GRIK4: variants seen among roughly 807,000 people sequenced by gnomAD.
GRIK4 encodes glutamate ionotropic receptor kainate type subunit 4, also known as glutamate receptor ionotropic, kainate 4.
In GRIK4, 40 loss-of-function variants were observed where a neutral mutation model predicts 104.9. The ratio of observed to expected loss-of-function variants is 0.38; its 90% CI spans 0.30 to 0.50. GRIK4 has a LOEUF of 0.50. Ranked by LOEUF, GRIK4 falls within the 20% of genes least tolerant of loss-of-function variation. The pLI is 0.93. For synonymous variants in GRIK4, 485 were observed against 524.9 expected, an observed-to-expected ratio of 0.92 and a Z score of 1.04; for missense variants, 1,047 against 1,308.1, an observed-to-expected ratio of 0.80 and a Z score of 3.08.
chr11:120,761,965 A>AT (rs1295629015), intron 3 of GRIK4, among the ~76,000 whole-genome samples: 1 of 151,900 alleles, frequency 6.6e-6, no homozygotes, highest in African/African-American at 2.4e-5. Flanking sequence ...ATTTAAAGTA[A>AT]TTTTTTCTAA....
intron 13 of GRIK4, among the ~76,000 whole-genome samples, chr11:120,928,988 T>TGTGTGTGTGTGC (rs1205285819): frequency 2.5e-5 from 3 of 118,470 alleles, no homozygotes; most frequent in African/African-American, 8.1e-5. Flanking sequence ...TGTGTGTGTG[T>TGTGTGTGTGTGC]GCGCGCGTGC....
At chr11:120,534,738 T>A (rs1591679717) in intron 1 of GRIK4, among the ~76,000 whole-genome samples, 1 of 152,086 alleles carries the variant, frequency 6.6e-6, no homozygotes, top group Non-Finnish European at 1.5e-5. Flanking sequence ...CAGAAGAGCA[T>A]TGGACAGGTC....
chr11:120,963,979 AT>A (rs1214063454), intron 18 of GRIK4, among the ~76,000 whole-genome samples: 23 of 9,396 alleles, frequency 2.4e-3, no homozygotes, highest in African/African-American at 0.012. Context: ...TTATTTATTT[AT>A]TTATTTATTT....
At chr11:120,788,380 A>G (rs1168891072) in intron 3 of GRIK4, among the ~76,000 whole-genome samples, 2 of 152,166 alleles carry the variant, frequency 1.3e-5, no homozygotes, top group Admixed American at 6.5e-5. Context: ...TGTATGTGTC[A>G]TTACCACCAG....
intron 3 of GRIK4, among the ~76,000 whole-genome samples, chr11:120,733,253 C>T (rs1951169405): frequency 6.6e-6 from 1 of 151,984 alleles, no homozygotes. Flanking sequence ...ATTATGTGGT[C>T]TTGTTATTTT....
At chr11:120,729,233 A>C (rs1197021998) in intron 3 of GRIK4, among the ~76,000 whole-genome samples, 1 of 152,212 alleles carries the variant, frequency 6.6e-6, no homozygotes, top group East Asian at 1.9e-4. Context: ...GGGAGTGCAG[A>C]TATCTCTTTG....
intron 9 of GRIK4, among the ~76,000 whole-genome samples, chr11:120,864,368 G>T (rs1354490008): frequency 1.3e-5 from 2 of 152,116 alleles, no homozygotes; most frequent in Non-Finnish European, 2.9e-5. Flanking sequence ...AGCCTCCGGA[G>T]TAGCTGGGAC....
chr11:120,526,899 T>TTATA (rs1419680372), intron 1 of GRIK4, among the ~76,000 whole-genome samples: 5 of 152,070 alleles, frequency 3.3e-5, no homozygotes, highest in Admixed American at 3.3e-4. Context: ...CACAGTCAGG[T>TTATA]TATAAATGGC....
At chr11:120,957,360 A>C (rs891921869) in intron 16 of GRIK4, among the ~76,000 whole-genome samples, 1 of 152,242 alleles carries the variant, frequency 6.6e-6, no homozygotes, top group East Asian at 1.9e-4. Flanking sequence ...TGGCTGCTAC[A>C]TCACATCCCC....
intron 11 of GRIK4, among the ~76,000 whole-genome samples, chr11:120,892,407 G>A (rs1299108387): frequency 1.3e-5 from 2 of 152,214 alleles, no homozygotes; most frequent in East Asian, 3.8e-4. Context: ...GCTGCTGTGT[G>A]AAGAACAGAA....
At chr11:120,665,435 A>G (rs970263554) in intron 3 of GRIK4, among the ~76,000 whole-genome samples, 1 of 152,086 alleles carries the variant, frequency 6.6e-6, no homozygotes, top group Non-Finnish European at 1.5e-5. Flanking sequence ...CTAGGGGGGG[A>G]ATATAGAAGG....
chr11:120,986,071 G>C lies in GRIK4; in HGVS notation c.2682G>C (p.Gly894=), dbSNP rs1944742209. Residue 894 remains glycine (G), a synonymous_variant, in exon 21 of 21, where the codon GGG becomes GGC. Coordinates refer to ENST00000527524, the MANE Select transcript of GRIK4 (RefSeq NM_014619.5). ...TATLSNGKLC[G]AGEPDQLAQR... ...CGCTCAGCAACGGGAAGCTGTGCGG[G>C]GCAGGGGAGCCCGACCAGCTCGCGC... 6.6e-7 allele frequency: 1 copy of C among 1,517,180 alleles called. No homozygotes were observed. Among genetic ancestry groups the C allele is most frequent in the Non-Finnish European group, 8.8e-7 (1 of 1,136,960 alleles). 94.0% of individuals were successfully genotyped at this position (1,517,180 alleles called of 1,614,324 possible).
chr11:120,769,588 A>G (rs893149524), intron 3 of GRIK4, among the ~76,000 whole-genome samples: 7 of 152,232 alleles, frequency 4.6e-5, no homozygotes, highest in African/African-American at 1.7e-4. Flanking sequence ...ACCACATCAA[A>G]CAAAGACATG....
intron 3 of GRIK4, among the ~76,000 whole-genome samples, chr11:120,790,002 G>T (rs1319268639): frequency 6.6e-6 from 1 of 152,122 alleles, no homozygotes; most frequent in Non-Finnish European, 1.5e-5. Context: ...AGTAAAGTCT[G>T]GCTCTGTCCT....
At chr11:120,895,692 C>T (rs575300156) in intron 11 of GRIK4, among the ~76,000 whole-genome samples, 8 of 152,098 alleles carry the variant, frequency 5.3e-5, no homozygotes, top group Non-Finnish European at 7.4e-5. Flanking sequence ...ACCTGCCATC[C>T]GGGGAACCTT....
At chr11:120,519,296 T>A (rs547371997) in intron 1 of GRIK4, among the ~76,000 whole-genome samples, 1 of 152,324 alleles carries the variant, frequency 6.6e-6, no homozygotes, top group South Asian at 2.1e-4. Context: ...CCAGAATTCA[T>A]GTTGAAATCT....
chr11:120,646,766 C>T (rs1312216658), intron 1 of GRIK4, among the ~76,000 whole-genome samples: 3 of 152,064 alleles, frequency 2.0e-5, no homozygotes, highest in African/African-American at 2.4e-5. Context: ...ATTGGTAGGG[C>T]GCGTTGGAAG....
At chr11:120,574,954 A>C (rs116402711) in intron 1 of GRIK4, among the ~76,000 whole-genome samples, 1,922 of 152,336 alleles carry the variant, frequency 0.013, 36 homozygotes, top group African/African-American at 0.044. Context: ...CATTGAGGAC[A>C]TGGGAACTAA....
At chr11:120,668,740 C>T (rs777152120) in intron 3 of GRIK4, among the ~76,000 whole-genome samples, 2 of 152,226 alleles carry the variant, frequency 1.3e-5, no homozygotes, top group Non-Finnish European at 1.5e-5. Context: ...ACACCAGGAG[C>T]GTGGGCTCTG....
Sources: allele counts gnomAD v4.1 joint callset (sites outside exome capture counted in the v4.1 genomes callset), GRCh38; gene constraint gnomAD v4.1.1; transcripts MANE v1.5; gene names NCBI Gene and HGNC (gene_info 2026-07-23, HGNC 2026-07-21).